The following BMP5 variants were observed in gnomAD, a reference collection of about 807,000 sequenced individuals.
BMP5 encodes the protein bone morphogenetic protein 5.
A neutral mutation model predicts 46.6 loss-of-function variants in BMP5; 23 were observed. The observed-to-expected ratio is 0.49, with a 90% CI of 0.35 to 0.70. The LOEUF (loss-of-function observed/expected upper bound fraction) is 0.70, where lower values mean the gene tolerates loss of function less well. Among genes scored for constraint, BMP5 ranks in the 30% least tolerant of loss-of-function variants. BMP5 has a pLI of 0.00. For synonymous variants in BMP5, 204 were observed against 191.9 expected (o/e 1.06, Z -0.52); for missense variants, 545 against 565.6 (o/e 0.96, Z 0.37).
chr6:55,773,608 T>C (rs1406597328), intron 4 of BMP5, among the ~76,000 whole-genome samples: 1 of 151,950 alleles, frequency 6.6e-6, no homozygotes, highest in East Asian at 1.9e-4. Context: ...TTCTTATGTC[T>C]TTCTCCTGCT....
chr6:55,815,316 A>G (rs1776233275), intron 2 of BMP5, among the ~76,000 whole-genome samples: 1 of 152,170 alleles, frequency 6.6e-6, no homozygotes, highest in African/African-American at 2.4e-5. Flanking sequence ...ACACTACTCA[A>G]TAGCAGATGT....
chr6:55,766,424 A>C (rs1774917916), intron 4 of BMP5, among the ~76,000 whole-genome samples: 1 of 151,830 alleles, frequency 6.6e-6, no homozygotes, highest in Admixed American at 6.6e-5. Flanking sequence ...TTTTCCCTAC[A>C]CATTCCACTT....
At chr6:55,768,582 T>C (rs546801186) in intron 4 of BMP5, among the ~76,000 whole-genome samples, 1 of 152,074 alleles carries the variant, frequency 6.6e-6, no homozygotes, top group East Asian at 1.9e-4. Flanking sequence ...TATTGGGATA[T>C]AACCCCATTT....
intron 1 of BMP5, among the ~76,000 whole-genome samples, chr6:55,847,655 TTTATG>T (rs1233842777): frequency 2.0e-5 from 3 of 151,940 alleles, no homozygotes; most frequent in Non-Finnish European, 4.4e-5. Context: ...TTTTTTTACT[TTTATG>T]TTAAGTGAGT....
rs185348443 is a variant in BMP5 at position 55,769,979 on chromosome 6, G to A, written c.1027+4070C>T. On this transcript the variant is annotated intron_variant, in intron 4 of 6. Transcript: ENST00000370830. Reference sequence around the variant, plus strand: ...ATCAACAGATGCACTGTTCATCCAGGTTTTGTTCTTCCATTTGCAGAGCCC... The same window carrying A: ...ATCAACAGATGCACTGTTCATCCAGATTTTGTTCTTCCATTTGCAGAGCCC... Among the ~76,000 whole-genome samples, 33 of 151,990 alleles carry A rather than the reference G, an allele frequency of 2.2e-4. 1 individual carries two copies. Among genetic ancestry groups the A allele is most frequent in the Admixed American group, 2.2e-3 (33 of 15,220 alleles).
At chr6:55,787,155 A>G (rs1775469150) in intron 3 of BMP5, among the ~76,000 whole-genome samples, 1 of 151,620 alleles carries the variant, frequency 6.6e-6, no homozygotes, top group African/African-American at 2.4e-5. Context: ...AGATAAATTA[A>G]ACCTCTGACA....
chr6:55,775,414 G>A (rs1307297078), intron 3 of BMP5, among the ~76,000 whole-genome samples: 1 of 151,750 alleles, frequency 6.6e-6, no homozygotes, highest in African/African-American at 2.4e-5. Flanking sequence ...TTATATATAT[G>A]TGAAAAAGAA....
At chr6:55,819,874 G>GAAAAAAAAAA in intron 1 of BMP5, 27 bp from the exon 2 acceptor site, 1 of 1,567,456 alleles carries the variant, frequency 6.4e-7, no homozygotes, top group Admixed American at 1.7e-5. Flanking sequence ...GGTTGAGGGG[G>GAAAAAAAAAA]AAAAAAGTTA....
chr6:55,809,200 A>T (rs1431745903), intron 2 of BMP5, among the ~76,000 whole-genome samples: 2 of 152,228 alleles, frequency 1.3e-5, no homozygotes, highest in Admixed American at 6.5e-5. Context: ...ATAAAAGAAT[A>T]CACAAATAAA....
intron 2 of BMP5, among the ~76,000 whole-genome samples, chr6:55,801,673 CTT>C (rs1305787911): frequency 6.6e-6 from 1 of 152,214 alleles, no homozygotes; most frequent in African/African-American, 2.4e-5. Flanking sequence ...TAAATCTCCA[CTT>C]TGCTCTTGGC....
At chr6:55,778,773 C>A (rs1775238924) in intron 3 of BMP5, among the ~76,000 whole-genome samples, 1 of 151,886 alleles carries the variant, frequency 6.6e-6, no homozygotes, top group African/African-American at 2.4e-5. Flanking sequence ...TTATTCTATT[C>A]ATAAAGAGAT....
At chr6:55,865,306 C>A in intron 1 of BMP5, 1 of 409,294 alleles carries the variant, frequency 2.4e-6, no homozygotes. Context: ...ATATTACTAC[C>A]TTGGCTTCTA....
intron 1 of BMP5, among the ~76,000 whole-genome samples, chr6:55,821,881 CT>C (rs1451901399): frequency 6.6e-6 from 1 of 152,136 alleles, no homozygotes. Flanking sequence ...CTAGCCACAA[CT>C]TTTGCTTTCA....
At chr6:55,824,701 AAG>A (rs144982280) in intron 1 of BMP5, among the ~76,000 whole-genome samples, 5,238 of 152,006 alleles carry the variant, frequency 0.034, 338 homozygotes, top group African/African-American at 0.12. Context: ...TGAGAATAGA[AAG>A]AGTGTTTAGT....
At chr6:55,854,209 T>G (rs1777330051) in intron 1 of BMP5, among the ~76,000 whole-genome samples, 1 of 152,128 alleles carries the variant, frequency 6.6e-6, no homozygotes, top group African/African-American at 2.4e-5. Context: ...AAGATTTATA[T>G]AAATTATGAT....
At chr6:55,784,009 T>C (rs866590363) in intron 3 of BMP5, among the ~76,000 whole-genome samples, 5 of 151,976 alleles carry the variant, frequency 3.3e-5, no homozygotes, top group Admixed American at 1.3e-4. Context: ...TTTTCATATA[T>C]GTTTTTTAGT....
chr6:55,768,513 G>A (rs1195677094), intron 4 of BMP5, among the ~76,000 whole-genome samples: 1 of 151,882 alleles, frequency 6.6e-6, no homozygotes, highest in Non-Finnish European at 1.5e-5. Context: ...GCATGTGTAA[G>A]GGAGGCTAGG....
chr6:55,814,141 C>T (rs1776200831), intron 2 of BMP5, among the ~76,000 whole-genome samples: 1 of 151,932 alleles, frequency 6.6e-6, no homozygotes, highest in African/African-American at 2.4e-5. Flanking sequence ...CACTTCAAAA[C>T]CTACCGATTT....
intron 6 of BMP5, among the ~76,000 whole-genome samples, chr6:55,756,394 C>A (rs200591728): frequency 6.6e-6 from 1 of 151,776 alleles, no homozygotes; most frequent in Non-Finnish European, 1.5e-5. Context: ...CATCCACCTC[C>A]CCAAAAGCCT....
Sources: gnomAD v4.1 joint callset for allele counts (sites outside exome capture counted in the v4.1 genomes callset) on GRCh38, gnomAD v4.1.1 for gene constraint, MANE v1.5 for transcripts, NCBI Gene and HGNC (gene_info 2026-07-23, HGNC 2026-07-21) for gene names.